CNTNAP2: variants seen among roughly 807,000 people sequenced by gnomAD.
CNTNAP2 encodes contactin associated protein 2, also known as contactin-associated protein-like 2.
A neutral mutation model predicts 155.2 loss-of-function variants in CNTNAP2; 98 were observed. The observed-to-expected ratio is 0.63, with a 90% CI of 0.54 to 0.75. The LOEUF is 0.75. Ranked by LOEUF, CNTNAP2 falls within the 30% of genes least tolerant of loss-of-function variation. The pLI is 0.00. For missense variants in CNTNAP2, 1,727 were observed against 1,688.1 expected, an observed-to-expected ratio of 1.02 and a Z score of -0.40; for synonymous variants, 651 against 631.2, an observed-to-expected ratio of 1.03 and a Z score of -0.47.
intron 8 of CNTNAP2, among the ~76,000 whole-genome samples, chr7:147,269,857 AGCCTG>A (rs1399768918): frequency 6.6e-6 from 1 of 152,182 alleles, no homozygotes; most frequent in Non-Finnish European, 1.5e-5. Context: ...GTTCCAGACC[AGCCTG>A]GATATTATGG....
intron 12 of CNTNAP2, among the ~76,000 whole-genome samples, chr7:147,572,138 T>C (rs2116809492): frequency 6.6e-6 from 1 of 152,318 alleles, no homozygotes; most frequent in East Asian, 1.9e-4. Flanking sequence ...AAAGAACTCT[T>C]CTCCGTAACG....
intron 13 of CNTNAP2, among the ~76,000 whole-genome samples, chr7:147,754,857 C>T (rs917287536): frequency 6.6e-6 from 1 of 152,062 alleles, no homozygotes; most frequent in Admixed American, 6.6e-5. Context: ...GGCTTAGTGA[C>T]GGATCCATGT....
At chr7:148,324,243 G>T (rs1797851270) in intron 21 of CNTNAP2, among the ~76,000 whole-genome samples, 2 of 151,962 alleles carry the variant, frequency 1.3e-5, no homozygotes, top group Admixed American at 6.6e-5. Flanking sequence ...TCATACATAG[G>T]CAAGAACCCA....
intron 8 of CNTNAP2, among the ~76,000 whole-genome samples, chr7:147,136,913 A>T (rs4146047): frequency 2.0e-5 from 3 of 151,626 alleles, no homozygotes; most frequent in Non-Finnish European, 4.4e-5. Context: ...TAAATGTTTC[A>T]GCATTACTAC....
At position 147,434,772 on chromosome 7, in the gene CNTNAP2, C is replaced by T. The variant is rs528542037; in HGVS notation, c.1670+38992C>T. Among the ~76,000 whole-genome samples the T allele has an allele frequency of 1.3e-4, 20 of 152,204 alleles. 1 individual carries two copies. The highest frequency in any genetic ancestry group is 4.4e-5 in the Non-Finnish European group (3 of 68,024). On this transcript the variant is annotated intron_variant, in intron 10 of 23. Coordinates refer to ENST00000361727, the MANE Select transcript of CNTNAP2 (RefSeq NM_014141.6). ...GAGCACCTGCTCCTCTTGGAAGTCA[C>T]AGCACTTTAAGTAAGTTCGCCATGG...
At chr7:147,627,985 T>C (rs985454141) in intron 12 of CNTNAP2, among the ~76,000 whole-genome samples, 2 of 150,878 alleles carry the variant, frequency 1.3e-5, no homozygotes, top group African/African-American at 2.4e-5. Context: ...TTTGGGATTA[T>C]GTTAAATGGC....
At chr7:147,918,625 T>C (rs1721042711) in intron 14 of CNTNAP2, among the ~76,000 whole-genome samples, 1 of 152,216 alleles carries the variant, frequency 6.6e-6, no homozygotes, top group African/African-American at 2.4e-5. Context: ...CTTAGGCTAA[T>C]TTAATGCCCG....
intron 8 of CNTNAP2, among the ~76,000 whole-genome samples, chr7:147,272,738 A>T (rs1236292696): frequency 1.3e-5 from 2 of 149,904 alleles, no homozygotes; most frequent in Non-Finnish European, 3.0e-5. Context: ...CGATCTCCTG[A>T]CATCATGATC....
At chr7:146,273,197 A>G (rs1185498297) in intron 1 of CNTNAP2, among the ~76,000 whole-genome samples, 2 of 151,396 alleles carry the variant, frequency 1.3e-5, no homozygotes, top group Non-Finnish European at 2.9e-5. Flanking sequence ...TATTTTTAGT[A>G]TTAAATGCGT....
intron 8 of CNTNAP2, among the ~76,000 whole-genome samples, chr7:147,288,604 T>G (rs1254169097): frequency 6.6e-6 from 1 of 152,182 alleles, no homozygotes; most frequent in Non-Finnish European, 1.5e-5. Context: ...TAACCTTTCT[T>G]CAGTTATCAA....
At chr7:147,096,423 C>G (rs2129275537) in intron 4 of CNTNAP2, among the ~76,000 whole-genome samples, 1 of 152,322 alleles carries the variant, frequency 6.6e-6, no homozygotes, top group African/African-American at 2.4e-5. Context: ...CACAACATAT[C>G]CCAAACACTG....
chr7:147,284,183 A>G (rs1446941192), intron 8 of CNTNAP2, among the ~76,000 whole-genome samples: 1 of 151,806 alleles, frequency 6.6e-6, no homozygotes, highest in East Asian at 1.9e-4. Context: ...CCCCAAATCA[A>G]TACATCATCA....
At chr7:146,782,149 C>G (rs1802502647) in intron 2 of CNTNAP2, 2 of 152,174 alleles carry the variant, frequency 1.3e-5, no homozygotes, top group Admixed American at 1.3e-4. Flanking sequence ...TTTCCTCTTT[C>G]CCTTTGCCAG....
intron 15 of CNTNAP2, among the ~76,000 whole-genome samples, chr7:147,982,891 G>A (rs768603661): frequency 3.9e-5 from 6 of 151,950 alleles, no homozygotes; most frequent in African/African-American, 1.2e-4. Context: ...GCTGGTGGCC[G>A]CCTGTAATCC....
chr7:147,851,516 C>G (rs2116669317), intron 13 of CNTNAP2, among the ~76,000 whole-genome samples: 1 of 152,208 alleles, frequency 6.6e-6, no homozygotes, highest in East Asian at 1.9e-4. Context: ...AGACTTGGAA[C>G]CAACCCAAAT....
At chr7:147,057,002 T>C (rs1213987136) in intron 4 of CNTNAP2, among the ~76,000 whole-genome samples, 2 of 151,928 alleles carry the variant, frequency 1.3e-5, no homozygotes, top group Non-Finnish European at 2.9e-5. Context: ...GTTTGTTTGT[T>C]TTCCCCACGT....
At chr7:148,045,622 T>A (rs1802761351) in intron 15 of CNTNAP2, among the ~76,000 whole-genome samples, 2 of 152,214 alleles carry the variant, frequency 1.3e-5, no homozygotes, top group South Asian at 4.1e-4. Context: ...CCAGGCAACA[T>A]AAAATTGTAA....
chr7:146,692,128 A>G (rs1193753962), intron 1 of CNTNAP2, among the ~76,000 whole-genome samples: 2 of 152,108 alleles, frequency 1.3e-5, no homozygotes, highest in Admixed American at 6.6e-5. Flanking sequence ...TTTCATCTCT[A>G]GTTACTGTCA....
intron 1 of CNTNAP2, among the ~76,000 whole-genome samples, chr7:146,209,444 A>T (rs1368863673): frequency 6.6e-6 from 1 of 152,176 alleles, no homozygotes; most frequent in Non-Finnish European, 1.5e-5. Context: ...TAAGAGTCCT[A>T]AAGTGTCAAG....
Sources: allele counts gnomAD v4.1 joint callset (sites outside exome capture counted in the v4.1 genomes callset), GRCh38; gene constraint gnomAD v4.1.1; transcripts MANE v1.5; gene names NCBI Gene and HGNC (gene_info 2026-07-23, HGNC 2026-07-21).